SMYD3: variants seen among roughly 807,000 people sequenced by gnomAD.
The protein encoded by SMYD3 is SET and MYND domain containing 3.
SMYD3 carries 36 observed loss-of-function variants against 57.7 expected under a neutral mutation model. That is an observed-to-expected ratio of 0.62 (90% CI 0.48 to 0.82). The LOEUF (loss-of-function observed/expected upper bound fraction) is 0.82, where lower values mean the gene tolerates loss of function less well. SMYD3 is among the 40% of genes least tolerant of loss of function. The pLI is 0.00. For missense variants in SMYD3, 515 were observed against 538.8 expected, an observed-to-expected ratio of 0.96 and a Z score of 0.44; for synonymous variants, 211 against 195.0, an observed-to-expected ratio of 1.08 and a Z score of -0.68.
Position 246,058,900 on chromosome 1 carries a change from A to G in SMYD3, c.532-128963T>C, listed in dbSNP as rs182990231. ...CACATTTCTTTTTTTTTTTTTTGAG[A>G]CGGAGTCTCTGTCGCCCAGGCTGGA... On this transcript the variant is annotated intron_variant, in intron 5 of 11. Coordinates refer to ENST00000490107, the MANE Select transcript of SMYD3 (RefSeq NM_001167740.2). 3.3e-3 allele frequency among the ~76,000 whole-genome samples: 482 copies of G among 146,944 alleles called. 3 individuals are homozygous for G. The highest frequency in any genetic ancestry group is 0.012 in the African/African-American group (455 of 39,504).
At chr1:246,316,381 G>A (rs1444385917) in intron 5 of SMYD3, among the ~76,000 whole-genome samples, 1 of 143,188 alleles carries the variant, frequency 7.0e-6, no homozygotes, top group Non-Finnish European at 1.5e-5. Flanking sequence ...TTTTTTTTGA[G>A]AGAGTTTCAC....
chr1:246,300,571 C>T (rs1488879711), intron 5 of SMYD3, among the ~76,000 whole-genome samples: 5 of 152,196 alleles, frequency 3.3e-5, no homozygotes, highest in South Asian at 4.2e-4. Context: ...TTTTCAAATG[C>T]CTCTGTGCTT....
intron 10 of SMYD3, among the ~76,000 whole-genome samples, chr1:245,843,434 A>T (rs1188561303): frequency 6.6e-6 from 1 of 152,212 alleles, no homozygotes; most frequent in East Asian, 1.9e-4. Context: ...AAGTTAAAAA[A>T]ATAAAATAAA....
At chr1:245,953,108 G>C in intron 5 of SMYD3, 7 of 650,568 alleles carry the variant, frequency 1.1e-5, no homozygotes, top group Non-Finnish European at 1.4e-5. Context: ...TCCAGAAAGT[G>C]ATAAAAATAA....
chr1:246,416,467 C>G (rs1001589699), intron 1 of SMYD3, among the ~76,000 whole-genome samples: 1 of 151,512 alleles, frequency 6.6e-6, no homozygotes, highest in Non-Finnish European at 1.5e-5. Context: ...AAAATGAACC[C>G]TATGTGCCAG....
intron 5 of SMYD3, among the ~76,000 whole-genome samples, chr1:246,029,937 CA>C (rs1198934036): frequency 1.3e-5 from 2 of 150,878 alleles, no homozygotes; most frequent in Non-Finnish European, 2.9e-5. Context: ...ACAGCATTTC[CA>C]CAAAAAAACT....
intron 1 of SMYD3, among the ~76,000 whole-genome samples, chr1:246,369,144 A>G (rs1037747440): frequency 6.6e-6 from 1 of 152,156 alleles, no homozygotes; most frequent in Admixed American, 6.5e-5. Context: ...TAAAAACTTA[A>G]TATCATGCTT....
At chr1:246,361,892 A>G (rs1023238142) in intron 1 of SMYD3, among the ~76,000 whole-genome samples, 15 of 152,096 alleles carry the variant, frequency 9.9e-5, no homozygotes, top group Non-Finnish European at 1.9e-4. Flanking sequence ...AATCCCCACT[A>G]AAGAGCTTAT....
intron 5 of SMYD3, among the ~76,000 whole-genome samples, chr1:245,932,271 GT>G (rs991542408): frequency 3.7e-4 from 56 of 152,198 alleles, no homozygotes; most frequent in Middle Eastern, 6.8e-3. Context: ...ATCTTTATCA[GT>G]TTTTTTCCAT....
intron 5 of SMYD3, among the ~76,000 whole-genome samples, chr1:246,113,150 C>G (rs1311076476): frequency 1.3e-5 from 2 of 151,660 alleles, no homozygotes; most frequent in African/African-American, 4.8e-5. Context: ...CCACTGCCCT[C>G]CAGCCTGGGC....
Position 245,817,347 on chromosome 1 carries a change from G to A in SMYD3, c.1076+41149C>T, listed in dbSNP as rs1043069092. Among the ~76,000 whole-genome samples, 5 of 146,194 alleles carry A rather than the reference G, an allele frequency of 3.4e-5. 1 individual carries two copies. Among genetic ancestry groups the A allele is most frequent in the African/African-American group, 1.3e-4 (5 of 38,620 alleles). ...CTGCAGCTGAGGGTCCTGCCTGTTA[G>A]AAGGAAAACTAACAAACAGAAAGCA... On this transcript the variant is annotated intron_variant, in intron 10 of 11. Coordinates refer to ENST00000490107, the MANE Select transcript of SMYD3 (RefSeq NM_001167740.2).
intron 1 of SMYD3, among the ~76,000 whole-genome samples, chr1:246,377,940 A>G (rs2148743211): frequency 1.3e-5 from 2 of 152,318 alleles, no homozygotes; most frequent in South Asian, 4.1e-4. Flanking sequence ...TGATACCGTC[A>G]TTTCACATTC....
intron 1 of SMYD3, among the ~76,000 whole-genome samples, chr1:246,428,595 A>G (rs113868576): frequency 0.017 from 2,598 of 152,374 alleles, 35 homozygotes; most frequent in Non-Finnish European, 0.026. Flanking sequence ...AGCATCTATT[A>G]CATTTGCCCA....
chr1:246,305,315 T>G (rs1023536352), intron 5 of SMYD3, among the ~76,000 whole-genome samples: 1 of 152,214 alleles, frequency 6.6e-6, no homozygotes, highest in Non-Finnish European at 1.5e-5. Flanking sequence ...AACAATTTAA[T>G]AGAATTATAG....
intron 8 of SMYD3, among the ~76,000 whole-genome samples, chr1:245,868,443 A>G (rs1177167152): frequency 1.3e-5 from 2 of 152,156 alleles, no homozygotes; most frequent in Non-Finnish European, 2.9e-5. Flanking sequence ...AGAGGAGAGT[A>G]AAATCCTCCA....
chr1:246,375,779 G>C (rs1166504481), intron 1 of SMYD3, among the ~76,000 whole-genome samples: 2 of 152,120 alleles, frequency 1.3e-5, no homozygotes, highest in African/African-American at 4.8e-5. Context: ...ACTCAGGCTG[G>C]AGTGCAGTGG....
At chr1:246,287,696 C>T (rs995221053) in intron 5 of SMYD3, among the ~76,000 whole-genome samples, 1 of 151,980 alleles carries the variant, frequency 6.6e-6, no homozygotes, top group African/African-American at 2.4e-5. Flanking sequence ...TCTGTTTTGG[C>T]CAGGGGCATC....
chr1:246,245,829 C>T (rs1330727687), intron 5 of SMYD3, among the ~76,000 whole-genome samples: 1 of 152,116 alleles, frequency 6.6e-6, no homozygotes, highest in Non-Finnish European at 1.5e-5. Flanking sequence ...TCATATTTTG[C>T]TATGAATACA....
At chr1:246,051,065 C>T (rs2060058115) in intron 5 of SMYD3, among the ~76,000 whole-genome samples, 1 of 151,494 alleles carries the variant, frequency 6.6e-6, no homozygotes, top group African/African-American at 2.4e-5. Flanking sequence ...ATACCAAGTA[C>T]TATTCTTTGG....
Sources: allele counts gnomAD v4.1 joint callset (sites outside exome capture counted in the v4.1 genomes callset), GRCh38; gene constraint gnomAD v4.1.1; transcripts MANE v1.5; gene names NCBI Gene and HGNC (gene_info 2026-07-23, HGNC 2026-07-21).